Variants in INTS4 observed in about 807,000 individuals in gnomAD.
INTS4 encodes the protein integrator complex subunit 4.
A neutral mutation model predicts 119.5 loss-of-function variants in INTS4; 70 were observed. The ratio of observed to expected loss-of-function variants is 0.59; its 90% CI spans 0.48 to 0.71. The LOEUF is 0.71. INTS4 is among the 30% of genes least tolerant of loss of function. INTS4 has a pLI of 0.00. For synonymous variants in INTS4, 316 were observed against 419.6 expected (o/e 0.75, Z 3.02); for missense variants, 867 against 1,173.2 (o/e 0.74, Z 3.81).
At chr11:77,976,104 G>A (rs1855940500) in intron 4 of INTS4, among the ~76,000 whole-genome samples, 1 of 147,004 alleles carries the variant, frequency 6.8e-6, no homozygotes, top group Non-Finnish European at 1.5e-5. Context: ...AACCTCATTA[G>A]TCTTTTCAAA....
At chr11:77,927,980 G>C (rs1953549781) in intron 11 of INTS4, among the ~76,000 whole-genome samples, 1 of 152,092 alleles carries the variant, frequency 6.6e-6, no homozygotes, top group African/African-American at 2.4e-5. Flanking sequence ...ACTTCAGCCT[G>C]AGTGACAGAG....
chr11:77,954,788 C>T (rs1168091250), intron 8 of INTS4, among the ~76,000 whole-genome samples: 3 of 152,222 alleles, frequency 2.0e-5, no homozygotes, highest in African/African-American at 7.2e-5. Context: ...TCATCTACCA[C>T]TCACCTCCTG....
chr11:77,948,031 T>C (rs1036750729), intron 8 of INTS4, among the ~76,000 whole-genome samples: 3 of 152,000 alleles, frequency 2.0e-5, no homozygotes, highest in Middle Eastern at 3.2e-3. Flanking sequence ...CTTTATTTAG[T>C]AGAAACGAGG....
In INTS4 at chr11:77,921,441, C is replaced by G; in HGVS notation, c.1663G>C (p.Ala555Pro). 6.2e-7 allele frequency: 1 copy of G among 1,607,832 alleles called. No individual in the cohort carries two copies. The highest frequency in any genetic ancestry group is 8.5e-7 in the Non-Finnish European group (1 of 1,174,360). ...IAVLVLIFNA[A>P]KTCPTMPALF... ...GCTGGCATTGTTGGACAGGTTTTAG[C>G]AGCATTGAAAATAAGTACCAAAACT... is the stretch of plus-strand genomic sequence containing the variant. Residue 555 changes from alanine (A) to proline (P), a missense_variant, in exon 14 of 23, where the codon GCT becomes CCT. Transcript: ENST00000534064.
intron 14 of INTS4, among the ~76,000 whole-genome samples, chr11:77,919,818 G>GT (rs1411669229): frequency 2.6e-5 from 4 of 151,638 alleles, no homozygotes; most frequent in African/African-American, 4.8e-5. Context: ...CTTGTCTTTT[G>GT]TTTTTTTTGA....
At chr11:77,959,656 C>T (rs548099038) in intron 6 of INTS4, among the ~76,000 whole-genome samples, 2 of 152,182 alleles carry the variant, frequency 1.3e-5, no homozygotes, top group African/African-American at 2.4e-5. Context: ...GCATTCTGGA[C>T]CCATTCTACT....
At chr11:77,876,027 G>C (rs1248260684), downstream of INTS4, among the ~76,000 whole-genome samples, 1 of 152,126 alleles carries the variant, frequency 6.6e-6, no homozygotes, top group Admixed American at 6.5e-5. Flanking sequence ...GCAGGGGAAT[G>C]GTGTGGTCAG....
chr11:77,883,305 TA>T (rs1205039123), intron 22 of INTS4, among the ~76,000 whole-genome samples: 3 of 152,168 alleles, frequency 2.0e-5, no homozygotes, highest in African/African-American at 7.2e-5. Flanking sequence ...TTAAGTTTTT[TA>T]AAGCAGGCTT....
intron 14 of INTS4, among the ~76,000 whole-genome samples, chr11:77,920,477 T>A: frequency 6.6e-6 from 1 of 151,976 alleles, no homozygotes; most frequent in Non-Finnish European, 1.5e-5. Flanking sequence ...TCTATATAAC[T>A]CTAGGTTTTA....
chr11:77,885,083 CTTTTTT>C (rs1951946847), intron 21 of INTS4, among the ~76,000 whole-genome samples: 1 of 151,614 alleles, frequency 6.6e-6, no homozygotes, highest in South Asian at 2.1e-4. Context: ...TTTTCTTTTT[CTTTTTT>C]CTTTTCTTGA....
At chr11:77,884,235 A>G (rs1011300823) in intron 21 of INTS4, among the ~76,000 whole-genome samples, 17 of 152,150 alleles carry the variant, frequency 1.1e-4, no homozygotes, top group South Asian at 4.1e-4. Flanking sequence ...TCTTATTATG[A>G]AAAGTGTTCT....
At chr11:77,885,961 G>C (rs139635463) in intron 21 of INTS4, among the ~76,000 whole-genome samples, 1 of 152,116 alleles carries the variant, frequency 6.6e-6, no homozygotes, top group African/African-American at 2.4e-5. Context: ...AGCATTTTGC[G>C]GGGCTGAGGC....
intron 18 of INTS4, among the ~76,000 whole-genome samples, chr11:77,900,010 G>C (rs1952707500): frequency 6.6e-6 from 1 of 151,940 alleles, no homozygotes; most frequent in African/African-American, 2.4e-5. Flanking sequence ...TTAAAAAACA[G>C]TATAGATGCC....
At chr11:77,891,001 G>A (rs958122861) in intron 21 of INTS4, among the ~76,000 whole-genome samples, 47 of 152,042 alleles carry the variant, frequency 3.1e-4, no homozygotes, top group African/African-American at 1.0e-3. Flanking sequence ...AAATCTTAAC[G>A]TCACATTACA....
intron 2 of INTS4, among the ~76,000 whole-genome samples, chr11:77,983,440 T>C (rs1856321030): frequency 6.6e-6 from 1 of 152,176 alleles, no homozygotes; most frequent in African/African-American, 2.4e-5. Context: ...GTTAGATTCT[T>C]GATTTGAAAT....
At chr11:77,992,166 G>C (rs1400001501) in intron 1 of INTS4, among the ~76,000 whole-genome samples, 5 of 152,068 alleles carry the variant, frequency 3.3e-5, no homozygotes, top group Non-Finnish European at 5.9e-5. Flanking sequence ...GAGAGGCTTA[G>C]GCAGGCGGAT....
At chr11:77,966,888 A>G (rs1361876776) in intron 4 of INTS4, among the ~76,000 whole-genome samples, 1 of 152,162 alleles carries the variant, frequency 6.6e-6, no homozygotes, top group Non-Finnish European at 1.5e-5. Context: ...GTTTTAACAT[A>G]TTAATTCTTC....
At chr11:77,911,209 T>C (rs954872002) in intron 15 of INTS4, 25 of 1,085,138 alleles carry the variant, frequency 2.3e-5, no homozygotes, top group Middle Eastern at 3.0e-4. Context: ...TAATGTATGA[T>C]ATATATCACT....
Position 77,882,043 on chromosome 11 carries a change from C to G in INTS4, c.2713+1789G>C, listed in dbSNP as rs190730861. 2.8e-3 allele frequency among the ~76,000 whole-genome samples: 429 copies of G among 152,138 alleles called. 5 individuals are homozygous for G. The highest frequency in any genetic ancestry group is 1.0e-2 in the African/African-American group (413 of 41,498). The stretch of plus-strand genomic sequence containing the variant: ...CTTCCTGCCTCAGCCTCCTGAGTAG[C>G]TGGGACTACAGGCACATGCCACCAT... On this transcript the variant is annotated intron_variant, in intron 22 of 22. Transcript: ENST00000534064.
Sources: gnomAD v4.1 joint callset for allele counts (sites outside exome capture counted in the v4.1 genomes callset) on GRCh38, gnomAD v4.1.1 for gene constraint, MANE v1.5 for transcripts, NCBI Gene and HGNC (gene_info 2026-07-23, HGNC 2026-07-21) for gene names.